The following MAP4K5 variants were observed in gnomAD, a reference collection of about 807,000 sequenced individuals.
MAP4K5 encodes the protein mitogen-activated protein kinase kinase kinase kinase 5.
A neutral mutation model predicts 135.6 loss-of-function variants in MAP4K5; 82 were observed. The ratio of observed to expected loss-of-function variants is 0.60; its 90% CI spans 0.51 to 0.73. The LOEUF (loss-of-function observed/expected upper bound fraction) is 0.73, where lower values mean the gene tolerates loss of function less well. Among genes scored for constraint, MAP4K5 ranks in the 30% least tolerant of loss-of-function variants. The pLI is 0.00. For synonymous variants in MAP4K5, 347 were observed against 335.0 expected, an observed-to-expected ratio of 1.04 and a Z score of -0.39; for missense variants, 907 against 1,010.9, an observed-to-expected ratio of 0.90 and a Z score of 1.39.
intron 2 of MAP4K5, among the ~76,000 whole-genome samples, chr14:50,530,558 A>G (rs1364941130): frequency 6.6e-6 from 1 of 152,226 alleles, no homozygotes; most frequent in East Asian, 1.9e-4. Flanking sequence ...AGGAATTTCA[A>G]TTTTCTGAAG....
At chr14:50,495,791 T>C (rs1415096096) in intron 3 of MAP4K5, among the ~76,000 whole-genome samples, 1 of 152,150 alleles carries the variant, frequency 6.6e-6, no homozygotes, top group African/African-American at 2.4e-5. Flanking sequence ...TTATGCTAAG[T>C]GAAACAGCCT....
chr14:50,497,859 G>A (rs1400377099), intron 3 of MAP4K5, among the ~76,000 whole-genome samples: 1 of 151,804 alleles, frequency 6.6e-6, no homozygotes, highest in Non-Finnish European at 1.5e-5. Context: ...AAACCAAAAG[G>A]GTATTGCATT....
At position 50,443,756 on chromosome 14, in the gene MAP4K5, A is replaced by G. The variant is rs1014558809; in HGVS notation, c.1452T>C (p.Asn484=). Residue 484 remains asparagine (N), a synonymous_variant, in exon 20 of 33, where the codon AAT becomes AAC. Transcript: ENST00000682126. ...DKRDFPKPAI[N]GLPPTPKVLM... Reference sequence around the variant, plus strand: ...GAACTTTTGGGGTGGGTGGAAGGCCATTGATGGCTGGTTTCTATGGGAAAA... The same window carrying G: ...GAACTTTTGGGGTGGGTGGAAGGCCGTTGATGGCTGGTTTCTATGGGAAAA... 2 of 1,600,078 alleles carry G rather than the reference A, an allele frequency of 1.2e-6. No homozygotes were observed. The highest frequency in any genetic ancestry group is 1.8e-5 in the Admixed American group (1 of 56,232).
At chr14:50,471,334 C>G (rs537958304) in intron 9 of MAP4K5, among the ~76,000 whole-genome samples, 1 of 152,020 alleles carries the variant, frequency 6.6e-6, no homozygotes, top group Non-Finnish European at 1.5e-5. Flanking sequence ...TTAGGTTAGT[C>G]AAGTGAAGCA....
In MAP4K5 at chr14:50,458,248, T is replaced by C. The variant is rs375548664; in HGVS notation, c.937-1654A>G. Among the ~76,000 whole-genome samples, 11 of 152,300 alleles carry C rather than the reference T, an allele frequency of 7.2e-5. No homozygotes were observed. The East Asian group carries it at 7.7e-4, about 11-fold the overall frequency. ...ATCCCTTTCTCTAATGGAAGAGCAG[T>C]GTTGCTTCTCCCTGCTTCCTTCTCA... On this transcript the variant is annotated intron_variant, in intron 13 of 32. Coordinates refer to ENST00000682126, the MANE Select transcript of MAP4K5 (RefSeq NM_006575.6).
At chr14:50,507,875 A>G (rs1452397267) in intron 2 of MAP4K5, among the ~76,000 whole-genome samples, 1 of 152,140 alleles carries the variant, frequency 6.6e-6, no homozygotes, top group Non-Finnish European at 1.5e-5. Context: ...TGCTTGGTGC[A>G]GAGCTGAGTT....
intron 2 of MAP4K5, among the ~76,000 whole-genome samples, chr14:50,519,802 CT>C (rs1396991233): frequency 4.6e-5 from 7 of 152,118 alleles, no homozygotes; most frequent in African/African-American, 1.7e-4. Flanking sequence ...TGAGTCCTAC[CT>C]GTAGATCTTT....
intron 23 of MAP4K5, 145 bp downstream of exon 23, chr14:50,439,868 G>C (rs1408945173): frequency 2.2e-5 from 19 of 875,328 alleles, no homozygotes; most frequent in Non-Finnish European, 2.1e-5. Context: ...TCCCATTCTA[G>C]GTGGGTAGCA....
In MAP4K5 at chr14:50,442,692, AT is replaced by A. The variant is rs145782224; in HGVS notation, c.1564+39del. 1,797 of 1,258,638 alleles carry A rather than the reference AT, an allele frequency of 1.4e-3. 21 individuals are homozygous for A. The African/African-American group carries it at 0.023, about 16-fold the overall frequency. The allele number at this position is 1,258,638 out of a possible 1,614,324, so 78.0% of individuals were successfully genotyped here. A position where few individuals can be genotyped will look rare whatever the true frequency, so the allele number is the denominator to read the frequency against. ...ATCATAAAGATCTTTCCCATAATAA[AT>A]ATTTTATTGGAGATGTATATAAAAT... On this transcript the variant is annotated intron_variant, in intron 21 of 32. Coordinates refer to ENST00000682126, the MANE Select transcript of MAP4K5 (RefSeq NM_006575.6).
rs146963452 is a variant in MAP4K5 at position 50,439,735 on chromosome 14, A to T, written c.1705+278T>A. 3.3e-4 allele frequency among the ~76,000 whole-genome samples: 50 copies of T among 152,198 alleles called. No individual in the cohort carries two copies. In the East Asian group the frequency reaches 8.7e-3, roughly 26 times the overall value. On this transcript the variant is annotated intron_variant, in intron 23 of 32. Coordinates refer to ENST00000682126, the MANE Select transcript of MAP4K5 (RefSeq NM_006575.6). Reference sequence around the variant, plus strand: ...GGAGTGGTGACAGTGATAGTGGAGGAGGCTGAGTGGAAGGGAACGGCCTCT... The same window carrying T: ...GGAGTGGTGACAGTGATAGTGGAGGTGGCTGAGTGGAAGGGAACGGCCTCT...
At chr14:50,468,039 G>C (rs1273686673) in intron 10 of MAP4K5, among the ~76,000 whole-genome samples, 1 of 151,942 alleles carries the variant, frequency 6.6e-6, no homozygotes, top group Non-Finnish European at 1.5e-5. Context: ...AAACTTTTCA[G>C]ATGCCCTCAA....
chr14:50,452,333 CT>C, intron 14 of MAP4K5, among the ~76,000 whole-genome samples: 1 of 152,242 alleles, frequency 6.6e-6, no homozygotes, highest in South Asian at 2.1e-4. Context: ...GTTGGTTAAA[CT>C]TTCAGAAATC....
chr14:50,458,154 C>T (rs931269262), intron 13 of MAP4K5, among the ~76,000 whole-genome samples: 3 of 152,054 alleles, frequency 2.0e-5, no homozygotes, highest in East Asian at 1.9e-4. Context: ...TTCCTTCATC[C>T]GTACAGATGA....
At chr14:50,463,911 AAAAAAAAAAAAAAAAAAG>A in intron 12 of MAP4K5, 123 bp downstream of exon 12, 1 of 387,016 alleles carries the variant, frequency 2.6e-6, no homozygotes. Context: ...AAAAAAAAAA[AAAAAAAAAAAAAAAAAAG>A]TTTGCTGACC....
chr14:50,434,435 T>C lies in MAP4K5; in HGVS notation c.2123A>G (p.Asn708Ser), dbSNP rs780733834. The C allele has an allele frequency of 2.9e-5, 47 of 1,610,124 alleles. No homozygotes were observed. Among genetic ancestry groups the C allele is most frequent in the African/African-American group, 9.3e-5 (7 of 74,900 alleles). The stretch of plus-strand genomic sequence containing the variant: ...AAACCATGAAGATGCAGAGTTCAAA[T>C]TGATTGTCTCAAACTGAACTACCTG... ...SNQVVQFETI[N>S]LNSASSWFTE... Residue 708 changes from asparagine to serine, a missense_variant, in exon 28 of 33, where the codon AAT becomes AGT. Asn to Ser is a conservative substitution (Grantham distance 46). This residue lies in a region of MAP4K5 where 690 missense variants were observed against 777.4 expected (regional missense o/e 0.89). Coordinates refer to ENST00000682126, the MANE Select transcript of MAP4K5 (RefSeq NM_006575.6).
chr14:50,490,156 T>TGG (rs1037884452), intron 3 of MAP4K5, among the ~76,000 whole-genome samples: 2 of 145,800 alleles, frequency 1.4e-5, no homozygotes, highest in African/African-American at 5.2e-5. Context: ...TGTGTGTGTG[T>TGG]GTGTAAGGGA....
intron 8 of MAP4K5, among the ~76,000 whole-genome samples, 180 bp from the exon 9 acceptor site, chr14:50,475,329 C>T (rs12717408): frequency 0.9 from 137,515 of 152,184 alleles, 63,691 homozygotes; most frequent in East Asian, 1. Context: ...AAAAAATTTA[C>T]TGGCACTTTA....
At chr14:50,509,682 A>AC (rs1256545120) in intron 2 of MAP4K5, among the ~76,000 whole-genome samples, 2 of 152,080 alleles carry the variant, frequency 1.3e-5, no homozygotes, top group Non-Finnish European at 2.9e-5. Context: ...TTAAAAAAAA[A>AC]AAAACAGATT....
chr14:50,482,230 T>C, intron 6 of MAP4K5, 131 bp downstream of exon 6: 1 of 523,948 alleles, frequency 1.9e-6, no homozygotes, highest in Non-Finnish European at 3.3e-6. Flanking sequence ...AAAATCATTT[T>C]GTTTTACCCT....
Sources: gnomAD v4.1 joint callset for allele counts (sites outside exome capture counted in the v4.1 genomes callset) on GRCh38, gnomAD v4.1.1 for gene constraint, gnomAD v4.1.1 regional missense constraint, MANE v1.5 for transcripts, NCBI Gene and HGNC (gene_info 2026-07-23, HGNC 2026-07-21) for gene names.